Variants in SRSF6 observed in about 807,000 individuals in gnomAD.
SRSF6 encodes the protein serine/arginine-rich splicing factor 6.
SRSF6 carries 17 observed loss-of-function variants against 42.0 expected under a neutral mutation model. The ratio of observed to expected loss-of-function variants is 0.40; its 90% confidence interval spans 0.28 to 0.61. The LOEUF (loss-of-function observed/expected upper bound fraction) is 0.61, where lower values mean the gene tolerates loss of function less well. SRSF6 is among the 20% of genes least tolerant of loss of function. SRSF6 has a pLI of 0.37. For synonymous variants in SRSF6, 204 were observed against 166.7 expected (o/e 1.22, Z -1.72); for missense variants, 379 against 471.4 (o/e 0.80, Z 1.81).
At chr20:43,458,715 T>C (rs1297919286) in intron 2 of SRSF6, among the ~76,000 whole-genome samples, 1 of 152,202 alleles carries the variant, frequency 6.6e-6, no homozygotes, top group Admixed American at 6.5e-5. Context: ...TTTTGTTTAT[T>C]TGCCAAGTTG....
In SRSF6 at chr20:43,461,687, T is replaced by A. The variant is rs1468482592; in HGVS notation, c.*624T>A. On this transcript the variant is annotated 3_prime_UTR_variant, in exon 6 of 6. Transcript: ENST00000244020. ...CCAGCAATAAATTACTCAGTTTGGA[T>A]AACATTATTTTGTGCAGTTAATCAA... 6.6e-6 allele frequency: 1 copy of A among 152,660 alleles called. No individual in the cohort carries two copies. Among genetic ancestry groups the A allele is most frequent in the African/African-American group, 2.4e-5 (1 of 41,452 alleles). The allele number at this position is 152,660 out of a possible 1,614,324, so 9.5% of individuals were successfully genotyped here.
intron 1 of SRSF6, 30 bp from the exon 2 acceptor site, chr20:43,458,331 G>A: frequency 6.7e-7 from 1 of 1,500,462 alleles, no homozygotes; most frequent in South Asian, 1.2e-5. Context: ...CGACTCCCCC[G>A]CGGTTGTCCG....
In SRSF6 at chr20:43,461,097, C is replaced by T; in HGVS notation, c.*34C>T. ...TCCTTGTTTGCACATTATTATGGAA[C>T]ACTTTCCTACTTAGGCAGTTACTCT... On this transcript the variant is annotated 3_prime_UTR_variant, in exon 6 of 6. Coordinates refer to ENST00000244020, the MANE Select transcript of SRSF6 (RefSeq NM_006275.6). 3 of 1,519,154 alleles carry T rather than the reference C, an allele frequency of 2.0e-6. No individual in the cohort carries two copies. Among genetic ancestry groups the T allele is most frequent in the Non-Finnish European group, 2.6e-6 (3 of 1,135,534 alleles). 94.1% of individuals were successfully genotyped at this position (1,519,154 alleles called of 1,614,324 possible).
rs144902850 is a variant in SRSF6 at position 43,460,520 on chromosome 20, G to T, written c.596G>T (p.Arg199Leu). The change falls in exon 5 of 6, where the codon CGA becomes CTA. Residue 199 changes from arginine to leucine, a missense_variant. Transcript: ENST00000244020. ...RSYSGSRSRS[R>L]SRRRSRSRSR... ...CATTGTTTTTCTCCTAATAGGTCTCGATCTAGAAGACGGTCACGAAGTAGG... is the reference window on the plus strand; with the variant it reads ...CATTGTTTTTCTCCTAATAGGTCTCTATCTAGAAGACGGTCACGAAGTAGG... 12 of 1,613,106 alleles carry T rather than the reference G, an allele frequency of 7.4e-6. No individual in the cohort carries two copies. In the South Asian group the frequency reaches 1.1e-4, roughly 15 times the overall value.
chr20:43,460,626 G>T (rs2017570174), intron 5 of SRSF6, 28 bp downstream of exon 5: 1 of 1,613,854 alleles, frequency 6.2e-7, no homozygotes, highest in Non-Finnish European at 8.5e-7. Context: ...GAGTCACTGT[G>T]AATATTACCG....
Position 43,463,535 on chromosome 20 carries a change from T to TTAC in SRSF6, c.*2473_*2475dup, listed in dbSNP as rs2017639709. 6.5e-6 allele frequency: 1 copy of TTAC among 152,858 alleles called. No individual in the cohort carries two copies. The allele number at this position is 152,858 out of a possible 1,614,324, so 9.5% of individuals were successfully genotyped here. A position where few individuals can be genotyped will look rare whatever the true frequency, so the allele number is the denominator to read the frequency against. ...TGACTTTTACGTTCCCATTCCTGTG[T>TTAC]TACCACCTTCCTCCCGATTTGTTCA... On this transcript the variant is annotated 3_prime_UTR_variant, in exon 6 of 6. Transcript: ENST00000244020.
rs1205350572 is a variant in SRSF6 at position 43,458,524 on chromosome 20, C to G, written c.256+15C>G. On this transcript the variant is annotated intron_variant, in intron 2 of 5. Transcript: ENST00000244020. ...CGGAAGCCGCAGTGAGTCCCACCCC[C>G]GCGCGCTCCGCGCCCTTGGGGACCC... 5.4e-6 allele frequency: 8 copies of G among 1,481,586 alleles called. No homozygotes were observed. The African/African-American group carries it at 7.4e-5, about 14-fold the overall frequency. The allele number at this position is 1,481,586 out of a possible 1,614,324, so 91.8% of individuals were successfully genotyped here.
chr20:43,460,413 G>GTGTATATAATTTAA, intron 4 of SRSF6, 102 bp from the exon 5 acceptor site: 1 of 1,407,158 alleles, frequency 7.1e-7, no homozygotes, highest in Non-Finnish European at 9.9e-7. Flanking sequence ...TAATTTCGTA[G>GTGTATATAATTTAA]TAAAGAAAAA....
rs1174985455 is a variant in SRSF6, at chr20:43,463,701, C to CT, written c.*2640dup. ...GTTTGCATTGGCAAGCCATTCCTGT[C>CT]TTGAGTATGAGAACAGGATCTTGTG... On this transcript the variant is annotated 3_prime_UTR_variant, in exon 6 of 6. Transcript: ENST00000244020. 3 of 152,558 alleles carry CT rather than the reference C, an allele frequency of 2.0e-5. No homozygotes were observed. Among genetic ancestry groups the CT allele is most frequent in the African/African-American group, 4.8e-5 (2 of 41,566 alleles). The allele number at this position is 152,558 out of a possible 1,614,324, so 9.5% of individuals were successfully genotyped here.
chr20:43,462,772 C>CA lies in SRSF6; in HGVS notation c.*1713dup, dbSNP rs1223333465. On this transcript the variant is annotated 3_prime_UTR_variant, in exon 6 of 6. Transcript: ENST00000244020. Reference sequence around the variant, plus strand: ...GCCCAACCTTAGGAATATAGTGCCCCAAAAGGCGGATGCTTCTTCCATTAT... The same window carrying CA: ...GCCCAACCTTAGGAATATAGTGCCCCAAAAAGGCGGATGCTTCTTCCATTAT... 6.6e-6 allele frequency: 1 copy of CA among 152,230 alleles called. No individual in the cohort carries two copies. Among genetic ancestry groups the CA allele is most frequent in the African/African-American group, 2.4e-5 (1 of 41,428 alleles). The allele number at this position is 152,230 out of a possible 1,614,324, so 9.4% of individuals were successfully genotyped here.
In SRSF6 at chr20:43,458,021, G is replaced by T; in HGVS notation, c.-13G>T. The T allele has an allele frequency of 6.2e-7, 1 of 1,606,084 alleles. No individual in the cohort carries two copies. The highest frequency in any genetic ancestry group is 8.5e-7 in the Non-Finnish European group (1 of 1,176,502). On this transcript the variant is annotated 5_prime_UTR_variant, in exon 1 of 6. Transcript: ENST00000244020. ...TTCGACAACCAGCCCTTGGGTCCCC[G>T]CCCGCCACGGACATGCCGCGCGTCT...
In SRSF6 at chr20:43,461,731, C is replaced by T. The variant is rs902311497; in HGVS notation, c.*668C>T. The T allele has an allele frequency of 8.5e-5, 13 of 152,594 alleles. No individual in the cohort carries two copies. The highest frequency in any genetic ancestry group is 7.3e-5 in the Non-Finnish European group (5 of 68,036). The allele number at this position is 152,594 out of a possible 1,614,324, so 9.5% of individuals were successfully genotyped here. Reference sequence around the variant, plus strand: ...TAATCAAATTTGCCAAAGTCTTTATCTGCCCCTTTAACAAGTTGAGTAAAA... The same window carrying T: ...TAATCAAATTTGCCAAAGTCTTTATTTGCCCCTTTAACAAGTTGAGTAAAA... On this transcript the variant is annotated 3_prime_UTR_variant, in exon 6 of 6. Transcript: ENST00000244020.
rs1248461908 is a variant in SRSF6, at chr20:43,461,196, G to A, written c.*133G>A. 7.6e-7 allele frequency: 1 copy of A among 1,310,342 alleles called. No individual in the cohort carries two copies. Among genetic ancestry groups the A allele is most frequent in the East Asian group, 2.7e-5 (1 of 37,526 alleles). The allele number at this position is 1,310,342 out of a possible 1,614,324, so 81.2% of individuals were successfully genotyped here. On this transcript the variant is annotated 3_prime_UTR_variant, in exon 6 of 6. Coordinates refer to ENST00000244020, the MANE Select transcript of SRSF6 (RefSeq NM_006275.6). Reference sequence around the variant, plus strand: ...GGGGCACACAGAAATTTGATTTGTGGCCAAATTGGATGAAAAAGATGAGGC... The same window carrying A: ...GGGGCACACAGAAATTTGATTTGTGACCAAATTGGATGAAAAAGATGAGGC...
chr20:43,461,685 G>C lies in SRSF6; in HGVS notation c.*622G>C, dbSNP rs1380429143. On this transcript the variant is annotated 3_prime_UTR_variant, in exon 6 of 6. Transcript: ENST00000244020. Reference sequence around the variant, plus strand: ...GACCAGCAATAAATTACTCAGTTTGGATAACATTATTTTGTGCAGTTAATC... The same window carrying C: ...GACCAGCAATAAATTACTCAGTTTGCATAACATTATTTTGTGCAGTTAATC... The C allele has an allele frequency of 6.6e-6, 1 of 152,536 alleles. No homozygotes were observed. The highest frequency in any genetic ancestry group is 2.4e-5 in the African/African-American group (1 of 41,398). 9.4% of individuals were successfully genotyped at this position (152,536 alleles called of 1,614,324 possible).
At position 43,462,451 on chromosome 20, in the gene SRSF6, T is replaced by G. The variant is rs2017619536; in HGVS notation, c.*1388T>G. ...TCTTAGTCTGAAATCAAAATATAGA[T>G]TAATTGGCTCAGCTTTAATACCTTT... On this transcript the variant is annotated 3_prime_UTR_variant, in exon 6 of 6. Coordinates refer to ENST00000244020, the MANE Select transcript of SRSF6 (RefSeq NM_006275.6). 6.6e-6 allele frequency: 1 copy of G among 152,224 alleles called. No homozygotes were observed. The allele number at this position is 152,224 out of a possible 1,614,324, so 9.4% of individuals were successfully genotyped here.
intron 4 of SRSF6, 95 bp from the exon 5 acceptor site, chr20:43,460,420 A>C (rs1434723187): frequency 6.2e-6 from 9 of 1,456,110 alleles, no homozygotes; most frequent in Non-Finnish European, 8.6e-6. Flanking sequence ...GTAGTAAAGA[A>C]AAACATTATT....
Position 43,459,915 on chromosome 20 carries a change from A to C in SRSF6, c.381+20A>C. On this transcript the variant is annotated intron_variant, in intron 3 of 5. Transcript: ENST00000244020. ...TTAAAGGTATGTTTTGTAATTCAAG[A>C]TAGAAATGATATGACTAATGCTTTA... 2 of 1,599,160 alleles carry C rather than the reference A, an allele frequency of 1.3e-6. No individual in the cohort carries two copies. The highest frequency in any genetic ancestry group is 1.7e-6 in the Non-Finnish European group (2 of 1,173,928).
rs1423923971 is a variant in SRSF6, at chr20:43,458,415, G to A, written c.162G>A (p.Glu54=). The A allele has an allele frequency of 4.5e-6, 7 of 1,553,052 alleles. No homozygotes were observed. Among genetic ancestry groups the A allele is most frequent in the South Asian group, 3.6e-5 (3 of 84,454 alleles). ...DSRDADDAVY[E]LNGKELCGER... Reference sequence around the variant, plus strand: ...GCGACGCCGACGACGCCGTTTACGAGCTGAACGGCAAGGAGCTCTGCGGCG... The same window carrying A: ...GCGACGCCGACGACGCCGTTTACGAACTGAACGGCAAGGAGCTCTGCGGCG... The change falls in exon 2 of 6, where the codon GAG becomes GAA. Residue 54 remains glutamate, a synonymous_variant. Transcript: ENST00000244020.
chr20:43,459,732 C>T (rs1325290169), intron 2 of SRSF6, 39 bp from the exon 3 acceptor site: 2 of 1,611,630 alleles, frequency 1.2e-6, no homozygotes, highest in African/African-American at 1.3e-5. Flanking sequence ...GCGTTTTTAT[C>T]ATTACAAGGC....
Sources: allele counts gnomAD v4.1 joint callset (sites outside exome capture counted in the v4.1 genomes callset), GRCh38; gene constraint gnomAD v4.1.1; transcripts MANE v1.5; gene names NCBI Gene and HGNC (gene_info 2026-07-23, HGNC 2026-07-21).